Variants in MORC1 observed in about 807,000 individuals in gnomAD.
MORC1 encodes MORC family CW-type zinc finger protein 1.
Under a neutral mutation model 134.9 loss-of-function variants are expected in MORC1, and 59 were observed. That is an observed-to-expected ratio of 0.44 (90% CI 0.35 to 0.54). The LOEUF is 0.54. Among genes scored for constraint, MORC1 ranks in the 20% least tolerant of loss-of-function variants. The pLI, the probability that MORC1 is intolerant of heterozygous loss-of-function variation, is 0.00. For synonymous variants in MORC1, 395 were observed against 391.7 expected (o/e 1.01, Z -0.10); for missense variants, 947 against 1,134.5 (o/e 0.83, Z 2.37).
intron 22 of MORC1, among the ~76,000 whole-genome samples, chr3:108,986,352 T>C (rs1337172932): frequency 1.3e-5 from 2 of 152,178 alleles, no homozygotes; most frequent in East Asian, 1.9e-4. Context: ...GATTGAATAC[T>C]ATCAGATGGA....
intron 6 of MORC1, 107 bp from the exon 7 acceptor site, chr3:109,095,175 T>A: frequency 9.2e-7 from 1 of 1,090,102 alleles, no homozygotes; most frequent in Non-Finnish European, 1.3e-6. Context: ...TACAAAACAC[T>A]AAGTTAAAAG....
At chr3:109,017,651 T>C (rs1302170172) in intron 17 of MORC1, among the ~76,000 whole-genome samples, 1 of 152,206 alleles carries the variant, frequency 6.6e-6, no homozygotes, top group Non-Finnish European at 1.5e-5. Context: ...CATTCTTACA[T>C]CTTTGATTGA....
intron 17 of MORC1, among the ~76,000 whole-genome samples, chr3:109,009,564 T>C (rs1303396981): frequency 6.6e-6 from 1 of 152,204 alleles, no homozygotes; most frequent in Non-Finnish European, 1.5e-5. Context: ...ATTTGGTGAA[T>C]ATAAAAGTCT....
intron 14 of MORC1, among the ~76,000 whole-genome samples, chr3:109,038,618 G>C (rs976143190): frequency 6.6e-6 from 1 of 152,120 alleles, no homozygotes; most frequent in African/African-American, 2.4e-5. Context: ...TTTTGTAAAG[G>C]GTGTAAGGAA....
chr3:108,963,500 G>A lies in MORC1; in HGVS notation c.2713C>T (p.Gln905Ter). The change falls in exon 27 of 28, where the codon CAA (glutamine) becomes TAA (stop). Residue 905 changes from glutamine (Q) to a stop codon, truncating the protein, a stop_gained. Coordinates refer to ENST00000232603, the MANE Select transcript of MORC1 (RefSeq NM_014429.4). LOFTEE classifies it high-confidence loss of function. ...GAGATTTTTCTTTTATTTTCACATTGCCCCAGAGAGATTTCATTATGTATT... is the reference window on the plus strand; with the variant it reads ...GAGATTTTTCTTTTATTTTCACATTACCCCAGAGAGATTTCATTATGTATT... ...RGIHNEISLG[Q>*]CENKRKISED... is the part of the protein sequence containing the mutation. 1 of 1,611,456 alleles carries A rather than the reference G, an allele frequency of 6.2e-7. No individual in the cohort carries two copies. The highest frequency in any genetic ancestry group is 8.5e-7 in the Non-Finnish European group (1 of 1,178,772).
rs11369467 is a variant in MORC1 at position 108,968,955 on chromosome 3, G to GTTT, written c.2604+711_2604+713dup. On this transcript the variant is annotated intron_variant, in intron 26 of 27. Transcript: ENST00000232603. Reference sequence around the variant, plus strand: ...CAAGTTCACATCTTGGAGTACCAGGGTTTTTTTTTTTATTATTAAGTGTAA... The same window carrying GTTT: ...CAAGTTCACATCTTGGAGTACCAGGGTTTTTTTTTTTTTTATTATTAAGTGTAA... Among the ~76,000 whole-genome samples, 419 of 147,624 alleles carry GTTT rather than the reference G, an allele frequency of 2.8e-3. 3 individuals carry two copies. The highest frequency in any genetic ancestry group is 0.01 in the Middle Eastern group (3 of 290).
At chr3:109,053,520 A>G (rs1949879112) in intron 14 of MORC1, among the ~76,000 whole-genome samples, 1 of 145,806 alleles carries the variant, frequency 6.9e-6, no homozygotes, top group Non-Finnish European at 1.5e-5. Flanking sequence ...AAACTAATGC[A>G]GAAAAAAAAA....
intron 6 of MORC1, 33 bp downstream of exon 6, chr3:109,099,325 C>T (rs1467859469): frequency 1.3e-6 from 2 of 1,481,896 alleles, no homozygotes; most frequent in Non-Finnish European, 9.3e-7. Context: ...AACATCATTG[C>T]TATGGGAACA....
chr3:109,030,404 C>G (rs766825235), intron 16 of MORC1, among the ~76,000 whole-genome samples: 11 of 152,180 alleles, frequency 7.2e-5, no homozygotes, highest in Non-Finnish European at 1.3e-4. Flanking sequence ...TTTCTTCCCC[C>G]TCCCTGGGAA....
intron 8 of MORC1, among the ~76,000 whole-genome samples, chr3:109,076,701 A>C (rs919993349): frequency 1.3e-5 from 2 of 152,152 alleles, no homozygotes; most frequent in African/African-American, 4.8e-5. Flanking sequence ...GCTGGAAACC[A>C]TCATCCTCAG....
intron 1 of MORC1, among the ~76,000 whole-genome samples, chr3:109,114,662 A>G (rs1004787868): frequency 3.3e-5 from 5 of 152,232 alleles, no homozygotes; most frequent in Non-Finnish European, 5.9e-5. Context: ...GTCCACTTCT[A>G]ATAAAATAAA....
chr3:109,094,185 G>A (rs114386564), intron 7 of MORC1, among the ~76,000 whole-genome samples: 1 of 152,220 alleles, frequency 6.6e-6, no homozygotes, highest in Non-Finnish European at 1.5e-5. Flanking sequence ...TTTGACCCGA[G>A]ACCATAATTT....
chr3:109,106,404 A>AT (rs1202797821), intron 3 of MORC1, among the ~76,000 whole-genome samples: 4 of 152,232 alleles, frequency 2.6e-5, no homozygotes, highest in African/African-American at 9.6e-5. Flanking sequence ...TTAGAGACAA[A>AT]TAAGTATAGC....
chr3:109,105,502 G>A lies in MORC1; in HGVS notation c.155-1585C>T, dbSNP rs545586264. 6.2e-4 allele frequency among the ~76,000 whole-genome samples: 94 copies of A among 151,060 alleles called. 2 individuals are homozygous for A. Among genetic ancestry groups the A allele is most frequent in the African/African-American group, 1.8e-3 (76 of 41,128 alleles). Reference sequence around the variant, plus strand: ...CGCACCACTGCACTCCAGCCTGGGCGACAGAGCGAAACTCCATCTCAAAAA... The same window carrying A: ...CGCACCACTGCACTCCAGCCTGGGCAACAGAGCGAAACTCCATCTCAAAAA... On this transcript the variant is annotated intron_variant, in intron 3 of 27. Coordinates refer to ENST00000232603, the MANE Select transcript of MORC1 (RefSeq NM_014429.4).
At chr3:109,079,109 A>C (rs1950477803) in intron 8 of MORC1, among the ~76,000 whole-genome samples, 1 of 152,064 alleles carries the variant, frequency 6.6e-6, no homozygotes, top group Non-Finnish European at 1.5e-5. Context: ...GAAATTCCCA[A>C]CTCATTCTAT....
intron 14 of MORC1, among the ~76,000 whole-genome samples, chr3:109,045,131 T>G (rs1308253998): frequency 2.6e-5 from 4 of 152,076 alleles, no homozygotes; most frequent in Admixed American, 6.6e-5. Context: ...TGAAACAGTT[T>G]ATAAACTCAA....
chr3:108,996,874 G>T (rs1356539428), intron 21 of MORC1, among the ~76,000 whole-genome samples: 1 of 151,964 alleles, frequency 6.6e-6, no homozygotes, highest in Non-Finnish European at 1.5e-5. Flanking sequence ...GCCGGGCATG[G>T]TGGCGGGTGC....
Position 109,069,897 on chromosome 3 carries a change from C to T in MORC1, c.690-140G>A, listed in dbSNP as rs555090349. The T allele has an allele frequency of 1.3e-5, 11 of 831,020 alleles. No individual in the cohort carries two copies. In the East Asian group the frequency reaches 3.2e-4, roughly 25 times the overall value. 51.5% of individuals were successfully genotyped at this position (831,020 alleles called of 1,614,324 possible). A position where few individuals can be genotyped will look rare whatever the true frequency, so the allele number is the denominator to read the frequency against. ...ACTTTTCTTCTAAAACTAATGACAC[C>T]ACAAACACCAGCAAATATCACAACA... On this transcript the variant is annotated intron_variant, in intron 8 of 27. Transcript: ENST00000232603.
chr3:108,986,100 A>G, intron 22 of MORC1, among the ~76,000 whole-genome samples: 1 of 152,154 alleles, frequency 6.6e-6, no homozygotes. Context: ...GAATGATGAA[A>G]CCAAATGAGC....
Sources: gnomAD v4.1 joint callset for allele counts (sites outside exome capture counted in the v4.1 genomes callset) on GRCh38, gnomAD v4.1.1 for gene constraint, MANE v1.5 for transcripts, NCBI Gene and HGNC (gene_info 2026-07-23, HGNC 2026-07-21) for gene names.